Variants in SAMD5 observed in about 807,000 individuals in gnomAD.
SAMD5 encodes the protein sterile alpha motif domain-containing protein 5.
In SAMD5, 13 loss-of-function variants were observed where a neutral mutation model predicts 11.3. That is an observed-to-expected ratio of 1.15 (90% confidence interval 0.75 to 1.83). SAMD5 has a LOEUF of 1.83. SAMD5 is among the 40% of genes most tolerant of loss of function. SAMD5 has a pLI of 0.00. For missense variants in SAMD5, 255 were observed against 239.1 expected, an observed-to-expected ratio of 1.07 and a Z score of -0.44; for synonymous variants, 129 against 111.3, an observed-to-expected ratio of 1.16 and a Z score of -1.00.
the SAMD5 span, among the ~76,000 whole-genome samples, chr6:147,922,876 C>T: frequency 5.3e-5 from 8 of 152,004 alleles, no homozygotes; most frequent in Admixed American, 2.0e-4. Context: ...AAGAAAATGC[C>T]AGTTCCAGCA....
chr6:147,793,324 C>T, the SAMD5 span, among the ~76,000 whole-genome samples: 1 of 152,142 alleles, frequency 6.6e-6, no homozygotes, highest in Non-Finnish European at 1.5e-5. Context: ...ACTAGTACTT[C>T]TTAAAACTGT....
chr6:147,945,109 C>T, the SAMD5 span, among the ~76,000 whole-genome samples: 4 of 152,240 alleles, frequency 2.6e-5, no homozygotes, highest in Non-Finnish European at 5.9e-5. Context: ...TCCAACTCTC[C>T]AGTCCTGCCT....
chr6:147,839,307 G>T, the SAMD5 span, among the ~76,000 whole-genome samples: 1 of 152,204 alleles, frequency 6.6e-6, no homozygotes, highest in Admixed American at 6.5e-5. Flanking sequence ...CACCTCTGCA[G>T]AGTCCTGTTA....
At chr6:147,918,688 C>CTTTTT in the SAMD5 span, among the ~76,000 whole-genome samples, 2 of 99,446 alleles carry the variant, frequency 2.0e-5, no homozygotes, top group Non-Finnish European at 1.9e-5. Flanking sequence ...CACAAGCATT[C>CTTTTT]TTTTTTTTTT....
chr6:147,928,098 G>A, the SAMD5 span, among the ~76,000 whole-genome samples: 1 of 152,236 alleles, frequency 6.6e-6, no homozygotes, highest in Non-Finnish European at 1.5e-5. Flanking sequence ...TTGCATCAAT[G>A]TTCATCAAGG....
the SAMD5 span, among the ~76,000 whole-genome samples, chr6:147,914,201 T>C: frequency 6.6e-6 from 1 of 151,088 alleles, no homozygotes; most frequent in African/African-American, 2.4e-5. Context: ...TCGTTAGTGT[T>C]AGTGTATTTT....
chr6:147,601,408 G>C (rs1342231871), intron 1 of SAMD5, among the ~76,000 whole-genome samples: 1 of 150,702 alleles, frequency 6.6e-6, no homozygotes, highest in African/African-American at 2.4e-5. Flanking sequence ...TTATTTTTAT[G>C]TCTAGAACAA....
intron 1 of SAMD5, among the ~76,000 whole-genome samples, chr6:147,512,454 G>T (rs1367888498): frequency 1.3e-5 from 2 of 152,180 alleles, no homozygotes; most frequent in Non-Finnish European, 2.9e-5. Flanking sequence ...AAGTTGAGGG[G>T]TCTTCCCAAG....
chr6:147,867,324 A>G, the SAMD5 span, among the ~76,000 whole-genome samples: 1 of 117,636 alleles, frequency 8.5e-6, no homozygotes, highest in Non-Finnish European at 1.8e-5. Flanking sequence ...TAATGTTTTT[A>G]TACTCTAAAA....
intron 1 of SAMD5, among the ~76,000 whole-genome samples, chr6:147,646,452 A>G (rs1790403166): frequency 6.6e-6 from 1 of 152,150 alleles, no homozygotes; most frequent in Non-Finnish European, 1.5e-5. Flanking sequence ...TCTTAATCTC[A>G]AAGGATTTCG....
chr6:147,541,687 C>T (rs192084687), intron 1 of SAMD5, among the ~76,000 whole-genome samples: 87 of 152,270 alleles, frequency 5.7e-4, no homozygotes, highest in Admixed American at 2.9e-3. Flanking sequence ...TCCACATATA[C>T]AAACACACAC....
intron 1 of SAMD5, among the ~76,000 whole-genome samples, chr6:147,647,892 G>A (rs1056786742): frequency 2.6e-5 from 4 of 152,166 alleles, no homozygotes; most frequent in African/African-American, 9.7e-5. Flanking sequence ...TACAATTTAG[G>A]TAACAGAGTG....
Position 147,567,327 on chromosome 6 carries a change from A to G in SAMD5, c.*2871A>G, listed in dbSNP as rs1583087285. 1.0e-6 allele frequency: 1 copy of G among 985,372 alleles called. No individual in the cohort carries two copies. The allele number at this position is 985,372 out of a possible 1,614,324, so 61.0% of individuals were successfully genotyped here. On this transcript the variant is annotated 3_prime_UTR_variant, in exon 2 of 2. Transcript: ENST00000367474. ...TTCTCAGTTCAGAGATATTTATAGCATCTTGGTGTTATGCAATAAACAATG... is the reference window on the plus strand; with the variant it reads ...TTCTCAGTTCAGAGATATTTATAGCGTCTTGGTGTTATGCAATAAACAATG...
the SAMD5 span, among the ~76,000 whole-genome samples, chr6:147,889,065 C>A: frequency 1.3e-5 from 2 of 152,082 alleles, no homozygotes; most frequent in African/African-American, 2.4e-5. Flanking sequence ...TCTTCAAATA[C>A]TTTTTGTTTC....
At chr6:147,535,756 C>T (rs530049938) in intron 1 of SAMD5, among the ~76,000 whole-genome samples, 17 of 152,194 alleles carry the variant, frequency 1.1e-4, no homozygotes, top group Admixed American at 6.5e-4. Context: ...TAAATATCTA[C>T]GAGTTGGGCA....
chr6:147,569,103 G>A lies in SAMD5; in HGVS notation c.*4647G>A, dbSNP rs186511762. ...AAATTAGCTGAGTGTGGTGGTGTGC[G>A]CCTGTAATCCCAGCTACTAAGGCAG... On this transcript the variant is annotated 3_prime_UTR_variant, in exon 2 of 2. Transcript: ENST00000367474. 6.7e-4 allele frequency: 115 copies of A among 170,570 alleles called. No homozygotes were observed. Among genetic ancestry groups the A allele is most frequent in the Admixed American group, 1.1e-3 (17 of 15,288 alleles). The allele number at this position is 170,570 out of a possible 1,614,324, so 10.6% of individuals were successfully genotyped here.
chr6:147,543,696 T>C (rs1183051341), intron 1 of SAMD5, among the ~76,000 whole-genome samples: 1 of 152,174 alleles, frequency 6.6e-6, no homozygotes, highest in East Asian at 1.9e-4. Context: ...ATCTGTGAAA[T>C]ATTAAATGCA....
At chr6:147,881,616 T>G in the SAMD5 span, among the ~76,000 whole-genome samples, 1 of 152,196 alleles carries the variant, frequency 6.6e-6, no homozygotes, top group Non-Finnish European at 1.5e-5. Context: ...CCCCCTGAGC[T>G]TTCTTCCTTA....
the SAMD5 span, among the ~76,000 whole-genome samples, chr6:147,869,882 G>A: frequency 2.6e-5 from 4 of 151,868 alleles, no homozygotes; most frequent in Non-Finnish European, 5.9e-5. Flanking sequence ...TTTGTTGTTT[G>A]TTTGTTTTAG....
Sources: gnomAD v4.1 joint callset for allele counts (sites outside exome capture counted in the v4.1 genomes callset) on GRCh38, gnomAD v4.1.1 for gene constraint, MANE v1.5 for transcripts, NCBI Gene and HGNC (gene_info 2026-07-23, HGNC 2026-07-21) for gene names.